The following STAT5B variants were observed in gnomAD, a reference collection of about 807,000 sequenced individuals.
STAT5B encodes the protein transcription factor STAT5B.
In STAT5B, 21 loss-of-function variants were observed where a neutral mutation model predicts 107.8. The observed-to-expected ratio is 0.19, with a 90% CI of 0.14 to 0.28. The LOEUF (loss-of-function observed/expected upper bound fraction) is 0.28, where lower values mean the gene tolerates loss of function less well. Ranked by LOEUF, STAT5B falls within the 10% of genes least tolerant of loss-of-function variation. The pLI, the probability that STAT5B is intolerant of heterozygous loss-of-function variation, is 1.00. For missense variants in STAT5B, 565 were observed against 1,008.2 expected, an observed-to-expected ratio of 0.56 and a Z score of 5.95; for synonymous variants, 325 against 401.7, an observed-to-expected ratio of 0.81 and a Z score of 2.28.
At chr17:42,221,566 C>T (rs1355567654) in intron 5 of STAT5B, among the ~76,000 whole-genome samples, 6 of 152,212 alleles carry the variant, frequency 3.9e-5, no homozygotes, top group Non-Finnish European at 8.8e-5. Flanking sequence ...AAGCCAGGCA[C>T]GGGATCAGAA....
At chr17:42,249,376 G>C (rs1447106575) in intron 1 of STAT5B, among the ~76,000 whole-genome samples, 1 of 151,972 alleles carries the variant, frequency 6.6e-6, no homozygotes, top group South Asian at 2.1e-4. Flanking sequence ...CTGGGCAACA[G>C]AGTGAGACTC....
In STAT5B at chr17:42,207,518, CACACACAA is replaced by C. The variant is rs763624507; in HGVS notation, c.2077+32_2077+39del. On this transcript the variant is annotated intron_variant, in intron 16 of 18. Transcript: ENST00000293328. ...ACACACACACACACACACACACACACACACACAACAAAATCAAATCAGAATGCGAACAT... is the reference window on the plus strand; with the variant it reads ...ACACACACACACACACACACACACACCAAAATCAAATCAGAATGCGAACAT... 35 of 1,582,516 alleles carry C rather than the reference CACACACAA, an allele frequency of 2.2e-5. No homozygotes were observed. In the African/African-American group the frequency reaches 3.1e-4, roughly 14 times the overall value.
chr17:42,205,771 T>C (rs1358970929), intron 16 of STAT5B, among the ~76,000 whole-genome samples: 1 of 152,076 alleles, frequency 6.6e-6, no homozygotes, highest in African/African-American at 2.4e-5. Context: ...TAACCAGGAT[T>C]GGTGGTGCAT....
At chr17:42,284,689 C>T in the STAT5B span, among the ~76,000 whole-genome samples, 2 of 152,178 alleles carry the variant, frequency 1.3e-5, no homozygotes, top group African/African-American at 2.4e-5. Context: ...TGCCATGCTC[C>T]GCACCGCAGA....
At chr17:42,218,526 G>A (rs1378835298) in intron 8 of STAT5B, among the ~76,000 whole-genome samples, 196 bp from the exon 9 acceptor site, 2 of 152,156 alleles carry the variant, frequency 1.3e-5, no homozygotes, top group African/African-American at 4.8e-5. Flanking sequence ...CACAGAAGCT[G>A]GCATGGGCTG....
At chr17:42,256,744 C>T in intron 1 of STAT5B, among the ~76,000 whole-genome samples, 1 of 151,602 alleles carries the variant, frequency 6.6e-6, no homozygotes. Flanking sequence ...TGCCTGTAGT[C>T]CCAGCTACTG....
At position 42,207,486 on chromosome 17, in the gene STAT5B, TGCAC is replaced by T. The variant is rs2080094060; in HGVS notation, c.2077+68_2077+71del. 7 of 1,339,668 alleles carry T rather than the reference TGCAC, an allele frequency of 5.2e-6. No individual in the cohort carries two copies. The East Asian group carries it at 1.5e-4, about 28-fold the overall frequency. The allele number at this position is 1,339,668 out of a possible 1,614,324, so 83.0% of individuals were successfully genotyped here. A position where few individuals can be genotyped will look rare whatever the true frequency, so the allele number is the denominator to read the frequency against. On this transcript the variant is annotated intron_variant, in intron 16 of 18. Transcript: ENST00000293328. ...ACAAGAGAGATAACACACGCAGGTA[TGCAC>T]ACACACACACACACACACACACACA...
chr17:42,224,890 C>T (rs1317486452), intron 3 of STAT5B, 22 bp from the exon 4 acceptor site: 2 of 1,612,716 alleles, frequency 1.2e-6, no homozygotes, highest in Non-Finnish European at 1.7e-6. Context: ...CAACAGCAGA[C>T]ATCACTTTGT....
At chr17:42,237,111 G>C (rs987924499) in intron 1 of STAT5B, among the ~76,000 whole-genome samples, 1 of 152,166 alleles carries the variant, frequency 6.6e-6, no homozygotes, top group Non-Finnish European at 1.5e-5. Context: ...AGACATTTCA[G>C]AACAACCTAA....
chr17:42,269,769 T>G (rs1249749252), intron 1 of STAT5B: 3 of 151,792 alleles, frequency 2.0e-5, no homozygotes, highest in African/African-American at 7.3e-5. Flanking sequence ...GAATTCTGTT[T>G]CCAAGACTTA....
the STAT5B span, among the ~76,000 whole-genome samples, chr17:42,282,022 G>C: frequency 6.6e-6 from 1 of 152,190 alleles, no homozygotes; most frequent in African/African-American, 2.4e-5. Context: ...ACCAGAGCAG[G>C]CAGAGGCCAG....
At chr17:42,240,893 G>A (rs1265057496) in intron 1 of STAT5B, among the ~76,000 whole-genome samples, 2 of 152,212 alleles carry the variant, frequency 1.3e-5, no homozygotes, top group Non-Finnish European at 2.9e-5. Flanking sequence ...GAGGGGCTCT[G>A]ATTTTGGCAA....
At chr17:42,252,138 C>G (rs533310707) in intron 1 of STAT5B, among the ~76,000 whole-genome samples, 1 of 152,090 alleles carries the variant, frequency 6.6e-6, no homozygotes. Flanking sequence ...CACTCTGATA[C>G]AGAAGGCAAC....
intron 9 of STAT5B, chr17:42,217,706 G>A (rs74830679): frequency 7.2e-6 from 3 of 415,054 alleles, no homozygotes; most frequent in South Asian, 2.2e-5. Context: ...TTTTTTTTTT[G>A]TGACGGAGTT....
intron 3 of STAT5B, among the ~76,000 whole-genome samples, chr17:42,227,237 T>A (rs1454800340): frequency 6.6e-6 from 1 of 151,386 alleles, no homozygotes; most frequent in South Asian, 2.1e-4. Flanking sequence ...CTCCAGTGAC[T>A]GAAAAACGTG....
upstream of STAT5B, chr17:42,276,705 T>C (rs772011915): frequency 2.0e-5 from 3 of 151,416 alleles, no homozygotes; most frequent in Non-Finnish European, 4.4e-5. The surrounding 1 kb of genome is among the most constrained non-coding windows in gnomAD (Gnocchi z 4.8). Flanking sequence ...TGCTGCTTTG[T>C]TTGGGTTGGG....
At chr17:42,281,844 G>A in the STAT5B span, among the ~76,000 whole-genome samples, 1 of 152,224 alleles carries the variant, frequency 6.6e-6, no homozygotes, top group Admixed American at 6.5e-5. Context: ...CCTGGGGGAT[G>A]CAGCATTATC....
At chr17:42,269,584 T>G (rs1443089992) in intron 1 of STAT5B, 2 of 152,190 alleles carry the variant, frequency 1.3e-5, no homozygotes, top group African/African-American at 4.8e-5. Flanking sequence ...ACTGACATTG[T>G]AACTTCTGTC....
upstream of STAT5B, among the ~76,000 whole-genome samples, chr17:42,279,487 G>A (rs1334572928): frequency 6.6e-6 from 1 of 152,178 alleles, no homozygotes; most frequent in East Asian, 1.9e-4. Flanking sequence ...CAGGGCGCTA[G>A]TTTAAATGTC....
Sources: gnomAD v4.1 joint callset for allele counts (sites outside exome capture counted in the v4.1 genomes callset) on GRCh38, gnomAD v4.1.1 for gene constraint, Gnocchi (gnomAD v3.1) non-coding constraint, MANE v1.5 for transcripts, NCBI Gene and HGNC (gene_info 2026-07-23, HGNC 2026-07-21) for gene names.